Variants in GRID2 observed in about 807,000 individuals in gnomAD.
GRID2 encodes glutamate receptor ionotropic, delta-2.
In GRID2, 33 loss-of-function variants were observed where a neutral mutation model predicts 114.8. The observed-to-expected ratio is 0.29, with a 90% confidence interval of 0.22 to 0.38. GRID2 has a LOEUF of 0.38. Ranked by LOEUF, GRID2 falls within the 10% of genes least tolerant of loss-of-function variation. GRID2 has a pLI of 1.00. For missense variants in GRID2, 1,184 were observed against 1,257.7 expected, an observed-to-expected ratio of 0.94 and a Z score of 0.89; for synonymous variants, 505 against 449.9, an observed-to-expected ratio of 1.12 and a Z score of -1.55.
At chr4:93,433,843 T>G (rs1720810977) in intron 10 of GRID2, among the ~76,000 whole-genome samples, 1 of 152,216 alleles carries the variant, frequency 6.6e-6, no homozygotes, top group African/African-American at 2.4e-5. Context: ...CCTCAATTTC[T>G]AGTCCCTTCA....
intron 13 of GRID2, among the ~76,000 whole-genome samples, chr4:93,552,035 C>CA (rs1220839322): frequency 7.4e-6 from 1 of 135,030 alleles, no homozygotes; most frequent in Non-Finnish European, 1.6e-5. Context: ...CCCCCCTCCC[C>CA]CACCCCACAA....
chr4:93,110,117 C>T (rs1732626849), intron 3 of GRID2, among the ~76,000 whole-genome samples: 1 of 152,098 alleles, frequency 6.6e-6, no homozygotes, highest in African/African-American at 2.4e-5. Flanking sequence ...AGTATTTTCT[C>T]CTTACTAAGG....
intron 2 of GRID2, among the ~76,000 whole-genome samples, chr4:92,875,478 A>G (rs1240026263): frequency 6.6e-6 from 1 of 152,156 alleles, no homozygotes; most frequent in Non-Finnish European, 1.5e-5. Flanking sequence ...GTATTTTTTC[A>G]TAAGCAAGGT....
At chr4:92,540,386 C>A (rs1725875081) in intron 1 of GRID2, among the ~76,000 whole-genome samples, 1 of 151,926 alleles carries the variant, frequency 6.6e-6, no homozygotes, top group African/African-American at 2.4e-5. Flanking sequence ...AAAATTTTTG[C>A]AATCTACTCA....
chr4:93,651,614 A>C (rs1420804481), intron 14 of GRID2, among the ~76,000 whole-genome samples: 1 of 152,184 alleles, frequency 6.6e-6, no homozygotes, highest in Non-Finnish European at 1.5e-5. Context: ...TCTAATATGA[A>C]AAATAACTTT....
chr4:92,460,391 C>G (rs1434654805), intron 1 of GRID2, among the ~76,000 whole-genome samples: 1 of 151,832 alleles, frequency 6.6e-6, no homozygotes, highest in African/African-American at 2.4e-5. Context: ...AAAGATTATC[C>G]AGCCTCTCTT....
chr4:93,192,824 C>G (rs748338439), intron 4 of GRID2, among the ~76,000 whole-genome samples: 1 of 150,964 alleles, frequency 6.6e-6, no homozygotes, highest in Non-Finnish European at 1.5e-5. Flanking sequence ...TGTCATACTG[C>G]AAATCAGGGT....
chr4:92,988,435 C>CA (rs764026019), intron 2 of GRID2, among the ~76,000 whole-genome samples: 10 of 152,054 alleles, frequency 6.6e-5, no homozygotes, highest in Non-Finnish European at 1.2e-4. Context: ...AAAAAGGAAG[C>CA]AAGACAAAAG....
intron 2 of GRID2, among the ~76,000 whole-genome samples, chr4:92,805,752 G>A (rs1229669145): frequency 6.6e-6 from 1 of 151,848 alleles, no homozygotes; most frequent in Non-Finnish European, 1.5e-5. Context: ...CTATGACATT[G>A]ACATTGCACT....
intron 3 of GRID2, among the ~76,000 whole-genome samples, chr4:93,101,283 T>C (rs1731681282): frequency 2.0e-5 from 3 of 152,074 alleles, no homozygotes; most frequent in Admixed American, 6.6e-5. Flanking sequence ...ATTTGAATTA[T>C]TTTCTTTTAG....
At chr4:92,388,743 G>A (rs1730099746) in intron 1 of GRID2, among the ~76,000 whole-genome samples, 1 of 151,904 alleles carries the variant, frequency 6.6e-6, no homozygotes, top group Non-Finnish European at 1.5e-5. Flanking sequence ...TTCTATGATT[G>A]TGTTTGTGTA....
intron 14 of GRID2, among the ~76,000 whole-genome samples, chr4:93,693,555 T>G (rs17021006): frequency 0.041 from 6,257 of 152,264 alleles, 199 homozygotes; most frequent in African/African-American, 0.081. Context: ...TCTAAGTAGT[T>G]TTTAGGAGAA....
chr4:93,802,643 C>T (rs1217017138), intron 1 of GRID2, among the ~76,000 whole-genome samples: 1 of 152,122 alleles, frequency 6.6e-6, no homozygotes, highest in African/African-American at 2.4e-5. Context: ...CTATATTGCA[C>T]CTTCTGTACT....
chr4:92,630,689 T>C (rs1730762717), intron 2 of GRID2, among the ~76,000 whole-genome samples: 1 of 152,098 alleles, frequency 6.6e-6, no homozygotes. Context: ...AAGTAGGTAT[T>C]TGTAACATTA....
At chr4:92,444,112 A>C (rs897337056) in intron 1 of GRID2, among the ~76,000 whole-genome samples, 2 of 152,230 alleles carry the variant, frequency 1.3e-5, no homozygotes, top group African/African-American at 4.8e-5. Flanking sequence ...ACCTGAGGTC[A>C]TAGGTGGATC....
chr4:93,660,902 C>T (rs973120362), intron 14 of GRID2, among the ~76,000 whole-genome samples: 5 of 152,040 alleles, frequency 3.3e-5, no homozygotes, highest in African/African-American at 1.2e-4. Flanking sequence ...TACACTGAGA[C>T]TGTTAGAAAA....
At chr4:93,316,893 A>T (rs939466520) in intron 8 of GRID2, among the ~76,000 whole-genome samples, 3 of 152,074 alleles carry the variant, frequency 2.0e-5, no homozygotes, top group African/African-American at 7.2e-5. Flanking sequence ...TTCTTAATCA[A>T]TTTATTTTTT....
intron 2 of GRID2, among the ~76,000 whole-genome samples, chr4:92,703,998 G>A (rs1010977763): frequency 3.3e-5 from 5 of 152,202 alleles, no homozygotes; most frequent in Non-Finnish European, 5.9e-5. Flanking sequence ...AGAATTGGCC[G>A]GGCGCAGTTG....
intron 14 of GRID2, among the ~76,000 whole-genome samples, chr4:93,730,484 G>A (rs533080630): frequency 5.9e-5 from 9 of 152,166 alleles, no homozygotes; most frequent in Non-Finnish European, 1.2e-4. Context: ...AAATAAAAGC[G>A]ACAATCAAGC....
Sources: gnomAD v4.1 joint callset for allele counts (sites outside exome capture counted in the v4.1 genomes callset) on GRCh38, gnomAD v4.1.1 for gene constraint, MANE v1.5 for transcripts, NCBI Gene and HGNC (gene_info 2026-07-23, HGNC 2026-07-21) for gene names.